Variants in CDKAL1 observed in about 807,000 individuals in gnomAD.
CDKAL1 encodes threonylcarbamoyladenosine tRNA methylthiotransferase.
Under a neutral mutation model 68.2 loss-of-function variants are expected in CDKAL1, and 32 were observed. That is an observed-to-expected ratio of 0.47 (90% confidence interval 0.35 to 0.63). The LOEUF (loss-of-function observed/expected upper bound fraction) is 0.63. Ranked by LOEUF, CDKAL1 falls within the 30% of genes least tolerant of loss-of-function variation. The pLI, the probability that CDKAL1 is intolerant of heterozygous loss-of-function variation, is 0.00. For missense variants in CDKAL1, 606 were observed against 696.7 expected (o/e 0.87, Z 1.47); for synonymous variants, 234 against 244.3 (o/e 0.96, Z 0.39).
At chr6:21,006,973 T>C (rs973469652) in intron 11 of CDKAL1, among the ~76,000 whole-genome samples, 1 of 152,336 alleles carries the variant, frequency 6.6e-6, no homozygotes, top group East Asian at 1.9e-4. Context: ...TCCAATCACA[T>C]ATACATGAAG....
At chr6:20,600,801 T>C (rs1393481122) in intron 4 of CDKAL1, among the ~76,000 whole-genome samples, 23 of 145,032 alleles carry the variant, frequency 1.6e-4, no homozygotes, top group African/African-American at 5.2e-4. Context: ...CACACACACA[T>C]GAATGATAAA....
intron 4 of CDKAL1, among the ~76,000 whole-genome samples, chr6:20,625,989 A>G (rs1767414865): frequency 6.6e-6 from 1 of 152,228 alleles, no homozygotes; most frequent in Admixed American, 6.5e-5. Context: ...ACTAGGATCT[A>G]TGTTTTCTTC....
intron 11 of CDKAL1, among the ~76,000 whole-genome samples, chr6:21,053,299 T>C (rs955949937): frequency 1.3e-5 from 2 of 152,256 alleles, no homozygotes. Flanking sequence ...CATATATCAG[T>C]AGTTGGCTCT....
intron 4 of CDKAL1, among the ~76,000 whole-genome samples, chr6:20,621,745 C>T (rs73732393): frequency 0.017 from 2,557 of 150,148 alleles, 61 homozygotes; most frequent in African/African-American, 0.059. Context: ...CCGTGTCAGT[C>T]GCTCCTGTGT....
intron 4 of CDKAL1, among the ~76,000 whole-genome samples, chr6:20,593,320 G>A (rs1463950888): frequency 1.3e-5 from 2 of 152,040 alleles, no homozygotes; most frequent in Non-Finnish European, 2.9e-5. Flanking sequence ...TTGGTTGGTA[G>A]GCTATTAATT....
At chr6:20,849,391 A>G (rs1189348819) in intron 9 of CDKAL1, among the ~76,000 whole-genome samples, 1 of 151,930 alleles carries the variant, frequency 6.6e-6, no homozygotes, top group Non-Finnish European at 1.5e-5. Flanking sequence ...AGACCATCCT[A>G]ACTAACACAG....
intron 5 of CDKAL1, among the ~76,000 whole-genome samples, chr6:20,729,097 A>G (rs1772787509): frequency 1.3e-5 from 2 of 152,202 alleles, no homozygotes; most frequent in Admixed American, 1.3e-4. Flanking sequence ...GAAAATATTG[A>G]CCAGTTGGGT....
chr6:21,043,567 T>TA (rs1469268761), intron 11 of CDKAL1, among the ~76,000 whole-genome samples: 1 of 152,254 alleles, frequency 6.6e-6, no homozygotes, highest in Non-Finnish European at 1.5e-5. Context: ...AAAAAACTCA[T>TA]ATCTTCATGC....
chr6:20,679,541 C>G (rs1562020344), intron 5 of CDKAL1, among the ~76,000 whole-genome samples: 1 of 152,210 alleles, frequency 6.6e-6, no homozygotes, highest in Non-Finnish European at 1.5e-5. Flanking sequence ...CCCCAGACCT[C>G]TCTTGGTTGC....
intron 8 of CDKAL1, among the ~76,000 whole-genome samples, chr6:20,808,282 TTTA>T (rs2150416249): frequency 6.6e-6 from 1 of 152,312 alleles, no homozygotes; most frequent in African/African-American, 2.4e-5. Flanking sequence ...ATTTATTATT[TTTA>T]TTATTTTATT....
chr6:21,053,449 G>A (rs1393401984), intron 11 of CDKAL1, among the ~76,000 whole-genome samples: 3 of 152,184 alleles, frequency 2.0e-5, no homozygotes, highest in Admixed American at 6.5e-5. Flanking sequence ...AGGTCTTCGT[G>A]TGAGCTTACA....
At chr6:21,141,372 T>A (rs939661477) in intron 13 of CDKAL1, among the ~76,000 whole-genome samples, 1 of 152,230 alleles carries the variant, frequency 6.6e-6, no homozygotes, top group African/African-American at 2.4e-5. Flanking sequence ...GTGGCATCTT[T>A]ACGTGCCTTC....
intron 9 of CDKAL1, among the ~76,000 whole-genome samples, chr6:20,931,129 A>C (rs958987106): frequency 1.3e-5 from 2 of 152,194 alleles, no homozygotes; most frequent in African/African-American, 4.8e-5. Context: ...AAACAGTAGA[A>C]CCAGAATTCT....
intron 4 of CDKAL1, among the ~76,000 whole-genome samples, chr6:20,552,259 G>A (rs1199866627): frequency 6.6e-6 from 1 of 151,946 alleles, no homozygotes; most frequent in African/African-American, 2.4e-5. Context: ...TGAGGTGGCA[G>A]GATCGCTTGA....
At chr6:20,739,267 T>TA (rs1773338406) in intron 5 of CDKAL1, among the ~76,000 whole-genome samples, 2 of 152,060 alleles carry the variant, frequency 1.3e-5, no homozygotes, top group Admixed American at 6.5e-5. Context: ...AATAATGAAT[T>TA]TTTTTGTTTT....
At chr6:21,171,420 G>T (rs1777380578) in intron 13 of CDKAL1, among the ~76,000 whole-genome samples, 1 of 151,982 alleles carries the variant, frequency 6.6e-6, no homozygotes, top group South Asian at 2.1e-4. Flanking sequence ...CACCATGTTA[G>T]CCAGGCTGGT....
chr6:21,225,122 A>G (rs1204457920), intron 15 of CDKAL1, among the ~76,000 whole-genome samples: 2 of 152,192 alleles, frequency 1.3e-5, no homozygotes, highest in Admixed American at 6.5e-5. Flanking sequence ...GCCAGGATCC[A>G]GCAGGGTGCT....
At chr6:20,743,931 T>C (rs1408572385) in intron 6 of CDKAL1, among the ~76,000 whole-genome samples, 1 of 152,234 alleles carries the variant, frequency 6.6e-6, no homozygotes, top group Non-Finnish European at 1.5e-5. Context: ...GATATGAAAC[T>C]ATCTTAGCAT....
At chr6:21,027,945 G>A (rs887743862) in intron 11 of CDKAL1, among the ~76,000 whole-genome samples, 1 of 152,176 alleles carries the variant, frequency 6.6e-6, no homozygotes, top group African/African-American at 2.4e-5. Flanking sequence ...GAAATCTGAG[G>A]TGGAGCTCAC....
Sources: allele counts gnomAD v4.1 joint callset (sites outside exome capture counted in the v4.1 genomes callset), GRCh38; gene constraint gnomAD v4.1.1; transcripts MANE v1.5; gene names NCBI Gene and HGNC (gene_info 2026-07-23, HGNC 2026-07-21).